Variants in EML1 observed in about 807,000 individuals in gnomAD.
EML1 encodes the protein EMAP like 1, also known as echinoderm microtubule-associated protein-like 1.
In EML1, 27 loss-of-function variants were observed where a neutral mutation model predicts 110.4. That is an observed-to-expected ratio of 0.24 (90% confidence interval 0.18 to 0.34). The LOEUF is 0.34. Ranked by LOEUF, EML1 falls within the 10% of genes least tolerant of loss-of-function variation. The probability of loss-of-function intolerance (pLI) is 1.00; values close to 1 mark genes in which losing one functional copy is unlikely to be tolerated. For synonymous variants in EML1, 344 were observed against 385.8 expected (o/e 0.89, Z 1.27); for missense variants, 741 against 1,030.9 (o/e 0.72, Z 3.85).
chr14:99,749,635 G>C (rs551814211), intron 1 of EML1, among the ~76,000 whole-genome samples: 1 of 152,340 alleles, frequency 6.6e-6, no homozygotes, highest in East Asian at 1.9e-4. Context: ...GAGGGACATG[G>C]AGAAAGCTGG....
chr14:99,775,142 C>T (rs776613815), intron 1 of EML1, among the ~76,000 whole-genome samples: 14 of 152,212 alleles, frequency 9.2e-5, no homozygotes, highest in Non-Finnish European at 1.9e-4. Flanking sequence ...AGCATCACAG[C>T]CTTCTTGAAA....
intron 2 of EML1, among the ~76,000 whole-genome samples, chr14:99,860,311 C>T (rs893164011): frequency 6.6e-6 from 1 of 152,096 alleles, no homozygotes; most frequent in African/African-American, 2.4e-5. Flanking sequence ...AAGAATCTCT[C>T]ATATCTTAGT....
chr14:99,874,390 A>T (rs899849764), intron 3 of EML1, among the ~76,000 whole-genome samples: 1 of 152,248 alleles, frequency 6.6e-6, no homozygotes, highest in Non-Finnish European at 1.5e-5. Context: ...GCACTAAAAA[A>T]TATACTGCAT....
chr14:99,845,075 A>G (rs2058686845), intron 1 of EML1, among the ~76,000 whole-genome samples: 1 of 152,230 alleles, frequency 6.6e-6, no homozygotes, highest in African/African-American at 2.4e-5. Context: ...TGTTTATAAG[A>G]AAATGGTAAA....
chr14:99,802,129 G>C (rs2057892511), intron 1 of EML1, among the ~76,000 whole-genome samples: 1 of 152,174 alleles, frequency 6.6e-6, no homozygotes, highest in South Asian at 2.1e-4. Flanking sequence ...AGGCGGGTAG[G>C]TGGGAGTGGG....
chr14:99,917,970 A>G (rs1566937121), intron 16 of EML1, 121 bp downstream of exon 16: 1 of 944,758 alleles, frequency 1.1e-6, no homozygotes, highest in East Asian at 2.5e-5. Flanking sequence ...GCTTCTAATG[A>G]CTTACCAAGA....
chr14:99,786,649 G>T (rs780520913), intron 1 of EML1, among the ~76,000 whole-genome samples: 4 of 152,212 alleles, frequency 2.6e-5, no homozygotes, highest in Non-Finnish European at 5.9e-5. Flanking sequence ...TCAAGTGCAC[G>T]GCACGTCTGA....
intron 17 of EML1, among the ~76,000 whole-genome samples, chr14:99,925,275 CTTTTTTTTT>C (rs972066503): frequency 7.3e-6 from 1 of 136,064 alleles, no homozygotes; most frequent in African/African-American, 2.7e-5. Context: ...TTTCTTTTTT[CTTTTTTTTT>C]TTTTTTTGCT....
At chr14:99,799,446 C>G (rs1355412502) in intron 1 of EML1, among the ~76,000 whole-genome samples, 1 of 152,224 alleles carries the variant, frequency 6.6e-6, no homozygotes. Flanking sequence ...ACTCAACGCT[C>G]CGAAGTATTT....
chr14:99,934,479 G>T (rs1444332309), intron 17 of EML1, among the ~76,000 whole-genome samples: 1 of 152,240 alleles, frequency 6.6e-6, no homozygotes, highest in Admixed American at 6.5e-5. Flanking sequence ...GGTCCTGCAG[G>T]ATTCCTGCCT....
chr14:99,770,020 C>T (rs978486475), upstream of EML1, among the ~76,000 whole-genome samples: 1 of 152,190 alleles, frequency 6.6e-6, no homozygotes, highest in Non-Finnish European at 1.5e-5. Flanking sequence ...ACTTTGCTCA[C>T]TTTGCTTTTC....
At chr14:99,778,633 T>G (rs2057508129) in intron 1 of EML1, among the ~76,000 whole-genome samples, 1 of 152,232 alleles carries the variant, frequency 6.6e-6, no homozygotes, top group African/African-American at 2.4e-5. Flanking sequence ...GTGAAGCACA[T>G]CCTGCAGTAG....
intron 1 of EML1, among the ~76,000 whole-genome samples, chr14:99,757,780 A>G (rs2057273318): frequency 6.6e-6 from 1 of 152,208 alleles, no homozygotes; most frequent in Non-Finnish European, 1.5e-5. Context: ...AATGCTCCCA[A>G]TGCCATGAAG....
intron 5 of EML1, among the ~76,000 whole-genome samples, chr14:99,891,798 T>G (rs2059591748): frequency 6.6e-6 from 1 of 152,210 alleles, no homozygotes; most frequent in African/African-American, 2.4e-5. Flanking sequence ...ATGCAAAAAA[T>G]GGACAAGTAT....
Position 99,827,148 on chromosome 14 carries a change from T to TGA in EML1, c.68-23699_68-23698dup. Among the ~76,000 whole-genome samples, 1 of 151,974 alleles carries TGA rather than the reference T, an allele frequency of 6.6e-6. No individual in the cohort carries two copies. Among genetic ancestry groups the TGA allele is most frequent in the African/African-American group, 2.4e-5 (1 of 41,426 alleles). On this transcript the variant is annotated intron_variant, in intron 1 of 21. Coordinates refer to ENST00000262233, the MANE Select transcript of EML1 (RefSeq NM_004434.3). This position sits in a 1 kb window ranked among gnomAD's most constrained non-coding sequence, Gnocchi z 4.4. ...GAAGACATGGGGAGAAGACAGCCAG[T>TGA]GAGAGAGGCCTCAGAAGAAACTAAC...
chr14:99,892,400 A>G (rs551863860), intron 5 of EML1, among the ~76,000 whole-genome samples: 8 of 152,312 alleles, frequency 5.3e-5, no homozygotes, highest in African/African-American at 1.2e-4. Flanking sequence ...TTGGATCCCA[A>G]TTGGTATTGG....
intron 1 of EML1, among the ~76,000 whole-genome samples, chr14:99,749,447 C>T (rs1203415206): frequency 1.5e-4 from 23 of 152,198 alleles, no homozygotes; most frequent in Non-Finnish European, 2.9e-5. Context: ...TTGGGCACCA[C>T]CTCTTGGCTT....
At chr14:99,892,348 C>T (rs193253592) in intron 5 of EML1, among the ~76,000 whole-genome samples, 1 of 152,260 alleles carries the variant, frequency 6.6e-6, no homozygotes, top group Non-Finnish European at 1.5e-5. Context: ...TAAACGCATC[C>T]CTGAGCATTT....
intron 1 of EML1, among the ~76,000 whole-genome samples, chr14:99,824,123 A>AT (rs1184751913): frequency 2.0e-5 from 3 of 151,784 alleles, no homozygotes; most frequent in Admixed American, 1.3e-4. Flanking sequence ...TGCCCAGCTA[A>AT]TTTTTTGTAT....
Sources: gnomAD v4.1 joint callset for allele counts (sites outside exome capture counted in the v4.1 genomes callset) on GRCh38, gnomAD v4.1.1 for gene constraint, Gnocchi (gnomAD v3.1) non-coding constraint, MANE v1.5 for transcripts, NCBI Gene and HGNC (gene_info 2026-07-23, HGNC 2026-07-21) for gene names.